The following DOCK7 variants were observed in gnomAD, a reference collection of about 807,000 sequenced individuals.
The protein encoded by DOCK7 is dedicator of cytokinesis 7.
In DOCK7, 138 loss-of-function variants were observed where a neutral mutation model predicts 271.0. That is an observed-to-expected ratio of 0.51 (90% CI 0.44 to 0.59). The LOEUF (loss-of-function observed/expected upper bound fraction) is 0.59, where lower values mean the gene tolerates loss of function less well. DOCK7 is among the 20% of genes least tolerant of loss of function. The pLI, the probability that DOCK7 is intolerant of heterozygous loss-of-function variation, is 0.00. For missense variants in DOCK7, 2,066 were observed against 2,592.4 expected (o/e 0.80, Z 4.41); for synonymous variants, 823 against 876.1 (o/e 0.94, Z 1.07).
At chr1:62,674,412 CCAA>C (rs1660332934) in intron 1 of DOCK7, among the ~76,000 whole-genome samples, 1 of 152,036 alleles carries the variant, frequency 6.6e-6, no homozygotes, top group African/African-American at 2.4e-5. Flanking sequence ...TATCAAAATC[CCAA>C]CAAGACTTTG....
At chr1:62,624,758 G>T (rs767590712) in intron 12 of DOCK7, among the ~76,000 whole-genome samples, 12 of 152,204 alleles carry the variant, frequency 7.9e-5, no homozygotes, top group Non-Finnish European at 1.6e-4. Flanking sequence ...GGTGGATCAT[G>T]AGGTCAGGAG....
chr1:62,487,209 C>A, intron 43 of DOCK7, 189 bp downstream of exon 43: 1 of 524,006 alleles, frequency 1.9e-6, no homozygotes, highest in Non-Finnish European at 3.4e-6. Context: ...GCACTGCCTA[C>A]GACCTCATAA....
chr1:62,491,429 TA>T (rs2149291693), intron 41 of DOCK7, among the ~76,000 whole-genome samples: 1 of 152,352 alleles, frequency 6.6e-6, no homozygotes, highest in African/African-American at 2.4e-5. Flanking sequence ...TTTAAGAAGG[TA>T]AGCATGAATT....
chr1:62,546,765 T>C (rs1645723106), intron 22 of DOCK7, among the ~76,000 whole-genome samples: 1 of 152,128 alleles, frequency 6.6e-6, no homozygotes, highest in Admixed American at 6.6e-5. Flanking sequence ...AATATCTGCC[T>C]TCTCAGAATC....
chr1:62,621,098 C>T (rs1233899748), intron 12 of DOCK7, among the ~76,000 whole-genome samples: 1 of 150,800 alleles, frequency 6.6e-6, no homozygotes. Context: ...GCAGCACTGG[C>T]TAAGGTGAGG....
At chr1:62,487,907 A>T (rs1345217309) in intron 42 of DOCK7, 3 of 152,526 alleles carry the variant, frequency 2.0e-5, no homozygotes, top group African/African-American at 4.8e-5. Context: ...GATTATTAAA[A>T]GACCTACCTG....
intron 18 of DOCK7, among the ~76,000 whole-genome samples, chr1:62,565,645 T>C (rs1336473834): frequency 6.6e-6 from 1 of 152,000 alleles, no homozygotes; most frequent in African/African-American, 2.4e-5. Context: ...CTTTGAAAAC[T>C]GGCACAAGAC....
intron 20 of DOCK7, among the ~76,000 whole-genome samples, chr1:62,556,692 A>G (rs1646154322): frequency 6.6e-6 from 1 of 152,202 alleles, no homozygotes; most frequent in African/African-American, 2.4e-5. Context: ...TAAACTGAAC[A>G]GCCACTTTGA....
chr1:62,665,929 C>T (rs765114290), intron 1 of DOCK7, among the ~76,000 whole-genome samples: 6 of 151,780 alleles, frequency 4.0e-5, no homozygotes, highest in African/African-American at 7.3e-5. Context: ...TTTAGGAGGC[C>T]GAGGCGGGCG....
intron 48 of DOCK7, among the ~76,000 whole-genome samples, chr1:62,472,586 T>C (rs967813370): frequency 6.6e-6 from 1 of 152,240 alleles, no homozygotes; most frequent in African/African-American, 2.4e-5. Context: ...AAGCACTTGA[T>C]TGTTACTAAA....
At chr1:62,483,586 CT>C (rs146567320) in intron 43 of DOCK7, 120 of 142,980 alleles carry the variant, frequency 8.4e-4, no homozygotes, top group Non-Finnish European at 7.7e-4. Context: ...GTTCTGATTT[CT>C]TTTTTTTTTT....
intron 20 of DOCK7, among the ~76,000 whole-genome samples, chr1:62,556,229 T>G (rs2149433556): frequency 6.6e-6 from 1 of 152,094 alleles, no homozygotes; most frequent in South Asian, 2.1e-4. Context: ...ATTATATGGG[T>G]TTGATTAGTC....
chr1:62,498,705 C>T (rs995146184), intron 37 of DOCK7, among the ~76,000 whole-genome samples: 1 of 151,022 alleles, frequency 6.6e-6, no homozygotes, highest in Non-Finnish European at 1.5e-5. Flanking sequence ...GCAGCCAAGA[C>T]ACAGTTCCAT....
chr1:62,633,684 A>G, intron 9 of DOCK7, 106 bp from the exon 10 acceptor site: 3 of 739,592 alleles, frequency 4.1e-6, no homozygotes, highest in Non-Finnish European at 4.6e-6. Flanking sequence ...TGACAGAAAA[A>G]AATATATGAC....
rs1259962056 is a variant in DOCK7, at chr1:62,578,952, T to C, written c.1886A>G (p.His629Arg). The change falls in exon 17 of 50, where the codon CAT becomes CGT. Residue 629 changes from histidine to arginine, a missense_variant. By Grantham distance (29) the His-to-Arg change is conservative (BLOSUM62 0). Around this residue, in one of 2 missense-constraint regions of DOCK7, gnomAD observed 1,414 missense variants for 1,670.4 expected, o/e 0.85. Coordinates refer to ENST00000635253, the MANE Select transcript of DOCK7 (RefSeq NM_001367561.1). ...AGGAAGCTTAACCTTGATTTCTTCA[T>C]GAAAATCAGGAGACCTTCATACAAA... ...VVYHNRSPDF[H>R]EEIKVKLPAT... 1 of 1,567,404 alleles carries C rather than the reference T, an allele frequency of 6.4e-7. No individual in the cohort carries two copies. Among genetic ancestry groups the C allele is most frequent in the Non-Finnish European group, 8.6e-7 (1 of 1,163,856 alleles).
intron 6 of DOCK7, 29 bp downstream of exon 6, chr1:62,648,077 T>C (rs371080481): frequency 1.3e-6 from 2 of 1,587,118 alleles, no homozygotes; most frequent in Admixed American, 1.7e-5. Flanking sequence ...TTAATAATCA[T>C]TTGCTTCTTT....
intron 20 of DOCK7, 142 bp downstream of exon 20, chr1:62,558,847 A>G: frequency 1.5e-6 from 1 of 669,306 alleles, no homozygotes; most frequent in South Asian, 2.3e-5. Context: ...TGGCATTATA[A>G]ACAAGTAAAT....
rs1451076793 is a variant in DOCK7, at chr1:62,605,558, T to C, written c.1682+13148A>G. The C allele has an allele frequency of 2.0e-5, 3 of 152,432 alleles. No individual in the cohort carries two copies. The Admixed American group carries it at 2.0e-4, about 10-fold the overall frequency. The allele number at this position is 152,432 out of a possible 1,614,324, so 9.4% of individuals were successfully genotyped here. On this transcript the variant is annotated intron_variant, in intron 14 of 49. Transcript: ENST00000635253. ...TTTTATATATTTTAACACTTAATACTATGAAAACAAATAATTGTAAAGGAA... is the reference window on the plus strand; with the variant it reads ...TTTTATATATTTTAACACTTAATACCATGAAAACAAATAATTGTAAAGGAA...
At chr1:62,542,315 A>G (rs938479574) in intron 25 of DOCK7, among the ~76,000 whole-genome samples, 1 of 152,216 alleles carries the variant, frequency 6.6e-6, no homozygotes, top group East Asian at 1.9e-4. Context: ...CACTTCATGT[A>G]TAATGACTAG....
Sources: allele counts gnomAD v4.1 joint callset (sites outside exome capture counted in the v4.1 genomes callset), GRCh38; gene constraint gnomAD v4.1.1; regional missense constraint gnomAD v4.1.1; transcripts MANE v1.5; gene names NCBI Gene and HGNC (gene_info 2026-07-23, HGNC 2026-07-21).